The following KCNV2 variants were observed in gnomAD, a reference collection of about 807,000 sequenced individuals.
KCNV2 encodes the protein potassium voltage-gated channel modifier subfamily V member 2.
Under a neutral mutation model 37.0 loss-of-function variants are expected in KCNV2, and 65 were observed. The ratio of observed to expected loss-of-function variants is 1.76; its 90% confidence interval spans 1.44 to 2.16. The LOEUF (loss-of-function observed/expected upper bound fraction) is 2.16. KCNV2 is among the 30% of genes most tolerant of loss of function. The pLI, the probability that KCNV2 is intolerant of heterozygous loss-of-function variation, is 0.00. For missense variants in KCNV2, 1,232 were observed against 766.7 expected (o/e 1.61, Z -7.17); for synonymous variants, 518 against 328.6 (o/e 1.58, Z -6.23).
At chr9:2,729,399 C>T in intron 1 of KCNV2, 47 bp from the exon 2 acceptor site, 1 of 1,608,236 alleles carries the variant, frequency 6.2e-7, no homozygotes, top group African/African-American at 1.3e-5. Flanking sequence ...TCTTCTCCTC[C>T]CCGATCTTAG....
At position 2,729,856 on chromosome 9, in the gene KCNV2, A is replaced by AGTACT. The variant is rs1820039970; in HGVS notation, c.*131_*135dup. Reference sequence around the variant, plus strand: ...TACACAAAGGCCATTTCGTTCACAAAGTACTGCCTCTAGAAATACTCATTT... The same window carrying AGTACT: ...TACACAAAGGCCATTTCGTTCACAAAGTACTGTACTGCCTCTAGAAATACTCATTT... On this transcript the variant is annotated 3_prime_UTR_variant, in exon 2 of 2. Transcript: ENST00000382082. 1.1e-6 allele frequency: 1 copy of AGTACT among 940,492 alleles called. No individual in the cohort carries two copies. Among genetic ancestry groups the AGTACT allele is most frequent in the Non-Finnish European group, 1.7e-6 (1 of 595,984 alleles). The allele number at this position is 940,492 out of a possible 1,614,324, so 58.3% of individuals were successfully genotyped here.
Position 2,718,065 on chromosome 9 carries a change from A to G in KCNV2, c.326A>G (p.Gln109Arg), listed in dbSNP as rs140189519. The G allele has an allele frequency of 2.7e-5, 44 of 1,606,570 alleles. No individual in the cohort carries two copies. The highest frequency in any genetic ancestry group is 1.6e-4 in the Middle Eastern group (1 of 6,078). ...LNVNVGGHSY[Q>R]LDYCELAGFP... ...GTGAACGTGGGTGGCCACAGCTACC[A>G]GCTGGACTACTGCGAGCTGGCCGGC... Residue 109 changes from glutamine (Q) to arginine (R), a missense_variant, in exon 1 of 2, where the codon CAG becomes CGG. Gln to Arg is a conservative substitution (Grantham distance 43). Coordinates refer to ENST00000382082, the MANE Select transcript of KCNV2 (RefSeq NM_133497.4).
In KCNV2 at chr9:2,728,741, C is replaced by A. The variant is rs937541938; in HGVS notation, c.1357-705C>A. 5.3e-5 allele frequency among the ~76,000 whole-genome samples: 8 copies of A among 152,114 alleles called. 1 individual carries two copies. The highest frequency in any genetic ancestry group is 1.2e-4 in the Non-Finnish European group (8 of 68,016). On this transcript the variant is annotated intron_variant, in intron 1 of 1. Transcript: ENST00000382082. ...CTTTGAAAAGTGTTATAACTGTCTTCATTTTAAAGATGAGAGGAAGACAAT... is the reference window on the plus strand; with the variant it reads ...CTTTGAAAAGTGTTATAACTGTCTTAATTTTAAAGATGAGAGGAAGACAAT...
Position 2,718,412 on chromosome 9 carries a change from C to G in KCNV2, c.673C>G (p.Gln225Glu). 1.2e-6 allele frequency: 2 copies of G among 1,603,718 alleles called. No homozygotes were observed. The highest frequency in any genetic ancestry group is 1.7e-6 in the Non-Finnish European group (2 of 1,176,162). ...CCAGCACGAGCTGCGCGCGCAGGCG[C>G]AGGTCGAGGAGGCGGAGGAACTCTT... The part of the protein sequence containing the change: ...KIQHELRAQA[Q>E]VEEAEELFRD... The change falls in exon 1 of 2, where the codon CAG becomes GAG. Residue 225 changes from glutamine (Q) to glutamate (E), a missense_variant. Coordinates refer to ENST00000382082, the MANE Select transcript of KCNV2 (RefSeq NM_133497.4).
chr9:2,719,200 C>T (rs1819815554), intron 1 of KCNV2, 105 bp downstream of exon 1: 2 of 1,283,890 alleles, frequency 1.6e-6, no homozygotes, highest in Non-Finnish European at 2.2e-6. Context: ...TGATCCTCGT[C>T]TTCCCCCCCA....
intron 1 of KCNV2, among the ~76,000 whole-genome samples, chr9:2,728,895 A>G (rs913024790): frequency 4.6e-5 from 7 of 150,560 alleles, no homozygotes; most frequent in African/African-American, 1.7e-4. Context: ...AAAAAAAAAA[A>G]AGAAAAAAAG....
At chr9:2,726,566 T>C (rs1331565382) in intron 1 of KCNV2, among the ~76,000 whole-genome samples, 2 of 152,132 alleles carry the variant, frequency 1.3e-5, no homozygotes, top group African/African-American at 4.8e-5. Flanking sequence ...ATAAGCAGTT[T>C]ATCTTAATTA....
At chr9:2,728,472 C>T (rs1820003902) in intron 1 of KCNV2, among the ~76,000 whole-genome samples, 1 of 152,170 alleles carries the variant, frequency 6.6e-6, no homozygotes, top group African/African-American at 2.4e-5. Context: ...TCTCTGGTAA[C>T]TGATAACTAG....
chr9:2,719,337 C>T (rs1341051087), intron 1 of KCNV2, among the ~76,000 whole-genome samples: 1 of 152,176 alleles, frequency 6.6e-6, no homozygotes, highest in Non-Finnish European at 1.5e-5. Context: ...TAGATTTCGT[C>T]TTCAAACCTT....
chr9:2,727,004 C>T (rs947027220), intron 1 of KCNV2, among the ~76,000 whole-genome samples: 40 of 152,218 alleles, frequency 2.6e-4, no homozygotes, highest in African/African-American at 9.1e-4. Context: ...TCCACAAAAC[C>T]GGTCCCTGGT....
At chr9:2,723,055 AGT>A (rs2130865075) in intron 1 of KCNV2, among the ~76,000 whole-genome samples, 1 of 152,336 alleles carries the variant, frequency 6.6e-6, no homozygotes, top group South Asian at 2.1e-4. Context: ...GGCACTGCAA[AGT>A]TATATGGCAA....
chr9:2,719,191 G>A lies in KCNV2; in HGVS notation c.1356+96G>A, dbSNP rs553161580. ...TATCAGCCACCAGGCTTTGGCTTCT[G>A]ATCCTCGTCTTCCCCCCCACCCCCA... is the stretch of plus-strand genomic sequence containing the variant. On this transcript the variant is annotated intron_variant, in intron 1 of 1. Coordinates refer to ENST00000382082, the MANE Select transcript of KCNV2 (RefSeq NM_133497.4). 4.1e-5 allele frequency: 57 copies of A among 1,384,704 alleles called. No individual in the cohort carries two copies. The Admixed American group carries it at 7.1e-4, about 17-fold the overall frequency. The allele number at this position is 1,384,704 out of a possible 1,614,324, so 85.8% of individuals were successfully genotyped here.
At chr9:2,724,767 C>A (rs958539607) in intron 1 of KCNV2, among the ~76,000 whole-genome samples, 2 of 152,212 alleles carry the variant, frequency 1.3e-5, no homozygotes, top group Non-Finnish European at 2.9e-5. Flanking sequence ...CTTCCAGTCT[C>A]TCATAGGCAG....
chr9:2,729,301 T>C lies in KCNV2; in HGVS notation c.1357-145T>C, dbSNP rs1820021892. The C allele has an allele frequency of 3.6e-6, 3 of 824,434 alleles. No homozygotes were observed. The East Asian group carries it at 7.8e-5, about 21-fold the overall frequency. 51.1% of individuals were successfully genotyped at this position (824,434 alleles called of 1,614,324 possible). A position where few individuals can be genotyped will look rare whatever the true frequency, so the allele number is the denominator to read the frequency against. Reference sequence around the variant, plus strand: ...CAGGTCCTAGAGGGAGTCTTCCTGGTACCTCCTAAAGCAGGCTCCGTGGGA... The same window carrying C: ...CAGGTCCTAGAGGGAGTCTTCCTGGCACCTCCTAAAGCAGGCTCCGTGGGA... On this transcript the variant is annotated intron_variant, in intron 1 of 1. Coordinates refer to ENST00000382082, the MANE Select transcript of KCNV2 (RefSeq NM_133497.4).
chr9:2,723,201 G>A (rs937750302), intron 1 of KCNV2, among the ~76,000 whole-genome samples: 2 of 152,130 alleles, frequency 1.3e-5, no homozygotes, highest in African/African-American at 4.8e-5. Flanking sequence ...TTAAAGATGA[G>A]ATAAAGAAAA....
rs529212879 is a variant in KCNV2 at position 2,729,858 on chromosome 9, T to C, written c.*131T>C. The C allele has an allele frequency of 3.7e-5, 34 of 921,206 alleles. No individual in the cohort carries two copies. In the East Asian group the frequency reaches 5.4e-4, roughly 15 times the overall value. The allele number at this position is 921,206 out of a possible 1,614,324, so 57.1% of individuals were successfully genotyped here. On this transcript the variant is annotated 3_prime_UTR_variant, in exon 2 of 2. Coordinates refer to ENST00000382082, the MANE Select transcript of KCNV2 (RefSeq NM_133497.4). ...CACAAAGGCCATTTCGTTCACAAAG[T>C]ACTGCCTCTAGAAATACTCATTTTG... is the stretch of plus-strand genomic sequence containing the variant.
chr9:2,729,589 C>A lies in KCNV2; in HGVS notation c.1500C>A (p.Tyr500Ter). The A allele has an allele frequency of 6.2e-7, 1 of 1,614,074 alleles. No homozygotes were observed. The highest frequency in any genetic ancestry group is 1.1e-5 in the South Asian group (1 of 91,074). Reference sequence around the variant, plus strand: ...TCTACAACAAGTTTTCTGATTACTACAGCAAGCTGAAGGCTTATGAGTATA... The same window carrying A: ...TCTACAACAAGTTTTCTGATTACTAAAGCAAGCTGAAGGCTTATGAGTATA... ...SILYNKFSDY[Y>*]SKLKAYEYTT... is the part of the protein sequence containing the mutation. The change falls in exon 2 of 2, where the codon TAC (tyrosine) becomes TAA (stop). Residue 500 changes from tyrosine to a stop codon, truncating the protein, a stop_gained. Transcript: ENST00000382082. LOFTEE classifies it high-confidence loss of function.
At chr9:2,722,746 C>T (rs1356097218) in intron 1 of KCNV2, among the ~76,000 whole-genome samples, 1 of 152,024 alleles carries the variant, frequency 6.6e-6, no homozygotes, top group Non-Finnish European at 1.5e-5. Flanking sequence ...TCAGCGTATA[C>T]TCTGATTTCA....
intron 1 of KCNV2, chr9:2,720,436 T>G (rs1819845629): frequency 6.6e-6 from 1 of 152,002 alleles, no homozygotes. Flanking sequence ...AGAGGATATG[T>G]GAGCTTTCTT....
Sources: allele counts gnomAD v4.1 joint callset (sites outside exome capture counted in the v4.1 genomes callset), GRCh38; gene constraint gnomAD v4.1.1; transcripts MANE v1.5; gene names NCBI Gene and HGNC (gene_info 2026-07-23, HGNC 2026-07-21).